Variants in ITK observed in about 807,000 individuals in gnomAD.
ITK encodes the protein tyrosine-protein kinase ITK/TSK.
ITK carries 45 observed loss-of-function variants against 87.6 expected under a neutral mutation model. The observed-to-expected ratio is 0.51, with a 90% confidence interval of 0.40 to 0.66. The LOEUF (loss-of-function observed/expected upper bound fraction) is 0.66, where lower values mean the gene tolerates loss of function less well. Ranked by LOEUF, ITK falls within the 30% of genes least tolerant of loss-of-function variation. The probability of loss-of-function intolerance (pLI) is 0.00; values close to 1 mark genes in which losing one functional copy is unlikely to be tolerated. For missense variants in ITK, 605 were observed against 766.3 expected, an observed-to-expected ratio of 0.79 and a Z score of 2.48; for synonymous variants, 303 against 273.6, an observed-to-expected ratio of 1.11 and a Z score of -1.06.
chr5:157,240,314 A>C, intron 10 of ITK, 119 bp downstream of exon 10: 1 of 948,780 alleles, frequency 1.1e-6, no homozygotes, highest in South Asian at 1.3e-5. Context: ...TTCTCATAAG[A>C]GTGCAAGCCC....
At position 157,244,315 on chromosome 5, in the gene ITK, C is replaced by A. The variant is rs775170349; in HGVS notation, c.1286C>A (p.Ala429Asp). 3 of 1,614,146 alleles carry A rather than the reference C, an allele frequency of 1.9e-6. No individual in the cohort carries two copies. The highest frequency in any genetic ancestry group is 2.2e-5 in the South Asian group (2 of 91,076). Residue 429 changes from alanine (A) to aspartate (D), a missense_variant, in exon 13 of 17, where the codon GCC becomes GAC. Ala to Asp is a moderately radical substitution (Grantham distance 126). Coordinates refer to ENST00000422843, the MANE Select transcript of ITK (RefSeq NM_005546.4). ...CTGTATGGGGTGTGCCTGGAGCAGG[C>A]CCCCATCTGCCTGGTGTTTGAGTTC... ...VQLYGVCLEQ[A>D]PICLVFEFME...
intron 2 of ITK, among the ~76,000 whole-genome samples, chr5:157,209,547 T>C (rs1315999325): frequency 2.6e-5 from 4 of 152,188 alleles, no homozygotes; most frequent in Non-Finnish European, 5.9e-5. Context: ...CTTTCCCTCA[T>C]GTCTTCTCTT....
chr5:157,232,448 G>C (rs1754677104), intron 8 of ITK, 54 bp downstream of exon 8: 1 of 1,215,594 alleles, frequency 8.2e-7, no homozygotes, highest in Non-Finnish European at 1.2e-6. Flanking sequence ...TAAGTGCACT[G>C]TCTCATGTCT....
rs1444657093 is a variant in ITK at position 157,214,115 on chromosome 5, C to T, written c.326-76C>T. ...AGGCTCACTCAGCCAGGTCTAATCTCGAGGTGTTATAAAATTGGTAGCCCT... is the reference window on the plus strand; with the variant it reads ...AGGCTCACTCAGCCAGGTCTAATCTTGAGGTGTTATAAAATTGGTAGCCCT... On this transcript the variant is annotated intron_variant, in intron 3 of 16. Transcript: ENST00000422843. 34 of 1,167,842 alleles carry T rather than the reference C, an allele frequency of 2.9e-5. 1 individual carries two copies. Among genetic ancestry groups the T allele is most frequent in the South Asian group, 4.9e-5 (4 of 81,836 alleles). 72.3% of individuals were successfully genotyped at this position (1,167,842 alleles called of 1,614,324 possible).
chr5:157,196,117 C>A (rs1753851447), intron 1 of ITK, among the ~76,000 whole-genome samples: 1 of 152,092 alleles, frequency 6.6e-6, no homozygotes, highest in Non-Finnish European at 1.5e-5. Context: ...AGACTCACAA[C>A]AAAAAATTAT....
At chr5:157,243,541 T>C in intron 11 of ITK, 82 bp from the exon 12 acceptor site, 1 of 1,144,490 alleles carries the variant, frequency 8.7e-7, no homozygotes, top group Non-Finnish European at 1.3e-6. Context: ...AAATTCTAGT[T>C]AGGGCTTTAT....
intron 2 of ITK, among the ~76,000 whole-genome samples, chr5:157,210,336 T>C (rs40563): frequency 0.72 from 109,730 of 151,814 alleles, 39,981 homozygotes; most frequent in East Asian, 0.98. Context: ...ATTTTTAACA[T>C]GGCATAGAAA....
intron 1 of ITK, among the ~76,000 whole-genome samples, chr5:157,206,331 T>A (rs980315642): frequency 1.3e-5 from 2 of 152,154 alleles, no homozygotes; most frequent in Non-Finnish European, 2.9e-5. Flanking sequence ...TGTTCATCAA[T>A]ATTGGCCTGA....
chr5:157,207,377 C>CTTTTTTT (rs536290068), intron 1 of ITK, among the ~76,000 whole-genome samples: 649 of 59,138 alleles, frequency 0.011, 144 homozygotes, highest in East Asian at 0.021. Context: ...AGATACGTCT[C>CTTTTTTT]TTTTTTTTTT....
At chr5:157,199,613 T>A (rs1317487529) in intron 1 of ITK, 1 of 152,096 alleles carries the variant, frequency 6.6e-6, no homozygotes, top group Non-Finnish European at 1.5e-5. Flanking sequence ...CCAGGAAGCA[T>A]AGTAGTTAGG....
At chr5:157,199,992 A>G (rs1484404062) in intron 1 of ITK, among the ~76,000 whole-genome samples, 1 of 152,170 alleles carries the variant, frequency 6.6e-6, no homozygotes, top group Non-Finnish European at 1.5e-5. Context: ...TGTACATAGC[A>G]GAGCAGCTCC....
At position 157,240,063 on chromosome 5, in the gene ITK, G is replaced by A; in HGVS notation, c.853G>A (p.Glu285Lys). The A allele has an allele frequency of 1.9e-6, 3 of 1,611,780 alleles. No individual in the cohort carries two copies. The highest frequency in any genetic ancestry group is 1.7e-6 in the Non-Finnish European group (2 of 1,177,942). ...VSVFTKAVVS[E>K]NNPCIKHYHI... ...ACATTTGTGTTTCATTTGTTTAAGTGAGAACAATCCCTGTATAAAGCATTA... is the reference window on the plus strand; with the variant it reads ...ACATTTGTGTTTCATTTGTTTAAGTAAGAACAATCCCTGTATAAAGCATTA... The change falls in exon 10 of 17, where the codon GAG (glutamate) becomes AAG (lysine). Residue 285 changes from glutamate to lysine, a missense_variant and splice_region_variant. Coordinates refer to ENST00000422843, the MANE Select transcript of ITK (RefSeq NM_005546.4).
chr5:157,238,344 T>C (rs780145031), intron 9 of ITK, among the ~76,000 whole-genome samples, 153 bp downstream of exon 9: 6 of 152,106 alleles, frequency 3.9e-5, no homozygotes, highest in South Asian at 2.1e-4. Context: ...ACCAAAGCCA[T>C]GGAGATCAAG....
intron 8 of ITK, among the ~76,000 whole-genome samples, chr5:157,235,139 A>T (rs1754752056): frequency 6.6e-6 from 1 of 152,196 alleles, no homozygotes. Flanking sequence ...TGAAGGCTTA[A>T]TAAATGTTTT....
rs902585700 is a variant in ITK at position 157,219,284 on chromosome 5, T to C, written c.495+1377T>C. On this transcript the variant is annotated intron_variant, in intron 5 of 16. Coordinates refer to ENST00000422843, the MANE Select transcript of ITK (RefSeq NM_005546.4). The stretch of plus-strand genomic sequence containing the variant: ...CTCACCATCATGCCCGGCTAATTTT[T>C]GTATTTTTAATAGAGACCGACTTTT... Among the ~76,000 whole-genome samples the C allele has an allele frequency of 6.6e-5, 10 of 152,126 alleles. No individual in the cohort carries two copies. In the East Asian group the frequency reaches 1.9e-3, roughly 29 times the overall value.
chr5:157,194,180 G>A (rs973171687), intron 1 of ITK, among the ~76,000 whole-genome samples: 4 of 152,082 alleles, frequency 2.6e-5, no homozygotes, highest in Admixed American at 1.3e-4. Context: ...TTTGCAAGAA[G>A]GTAATTCTAC....
At chr5:157,211,811 C>T (rs761483171) in intron 3 of ITK, among the ~76,000 whole-genome samples, 6 of 152,058 alleles carry the variant, frequency 3.9e-5, no homozygotes, top group Non-Finnish European at 8.8e-5. Flanking sequence ...TACACTTGGG[C>T]GAGTTCCTTA....
chr5:157,254,082 C>T lies in ITK; in HGVS notation c.*1404C>T, dbSNP rs1314850510. The T allele has an allele frequency of 8.8e-6, 2 of 227,402 alleles. No homozygotes were observed. Among genetic ancestry groups the T allele is most frequent in the African/African-American group, 2.2e-5 (1 of 45,018 alleles). The allele number at this position is 227,402 out of a possible 1,614,324, so 14.1% of individuals were successfully genotyped here. A position where few individuals can be genotyped will look rare whatever the true frequency, so the allele number is the denominator to read the frequency against. On this transcript the variant is annotated 3_prime_UTR_variant, in exon 17 of 17. Coordinates refer to ENST00000422843, the MANE Select transcript of ITK (RefSeq NM_005546.4). ...AGCCCAAATCTGTCTGACCGCAATA[C>T]ACAGATTCTTTATTCCTATTCGACA...
intron 1 of ITK, among the ~76,000 whole-genome samples, chr5:157,197,768 A>T (rs915584017): frequency 6.6e-6 from 1 of 152,206 alleles, no homozygotes; most frequent in Non-Finnish European, 1.5e-5. Flanking sequence ...CCATACACAG[A>T]TGGATGTTTA....
Sources: gnomAD v4.1 joint callset for allele counts (sites outside exome capture counted in the v4.1 genomes callset) on GRCh38, gnomAD v4.1.1 for gene constraint, MANE v1.5 for transcripts, NCBI Gene and HGNC (gene_info 2026-07-23, HGNC 2026-07-21) for gene names.